TMEM161B: variants seen among roughly 807,000 people sequenced by gnomAD.
The protein encoded by TMEM161B is transmembrane protein 161B.
A neutral mutation model predicts 61.8 loss-of-function variants in TMEM161B; 34 were observed. The ratio of observed to expected loss-of-function variants is 0.55; its 90% CI spans 0.42 to 0.73. TMEM161B has a LOEUF of 0.73. Ranked by LOEUF, TMEM161B falls within the 30% of genes least tolerant of loss-of-function variation. The pLI is 0.00. For missense variants in TMEM161B, 456 were observed against 558.5 expected, an observed-to-expected ratio of 0.82 and a Z score of 1.85; for synonymous variants, 167 against 192.8, an observed-to-expected ratio of 0.87 and a Z score of 1.11.
At chr5:88,191,816 T>C (rs1241639237), downstream of TMEM161B, among the ~76,000 whole-genome samples, 4 of 149,954 alleles carry the variant, frequency 2.7e-5, no homozygotes, top group Non-Finnish European at 5.9e-5. Flanking sequence ...AATTAGCTGG[T>C]CATGGTGGCG....
At chr5:88,207,351 G>A (rs752682019) in intron 5 of TMEM161B, among the ~76,000 whole-genome samples, 171 bp from the exon 6 acceptor site, 1 of 152,144 alleles carries the variant, frequency 6.6e-6, no homozygotes, top group African/African-American at 2.4e-5. Flanking sequence ...GTTGTAGCTA[G>A]GGAATGTATT....
chr5:88,232,160 CAG>C (rs1178772246), intron 2 of TMEM161B, among the ~76,000 whole-genome samples: 18 of 152,024 alleles, frequency 1.2e-4, no homozygotes, highest in Non-Finnish European at 2.5e-4. Flanking sequence ...TGGCCCTAAA[CAG>C]ATCATAAAAA....
At chr5:88,263,027 T>C (rs1387421361) in intron 1 of TMEM161B, among the ~76,000 whole-genome samples, 2 of 152,170 alleles carry the variant, frequency 1.3e-5, no homozygotes, top group Non-Finnish European at 1.5e-5. Flanking sequence ...GTTTGGAAAG[T>C]TGACAGTAAA....
intron 8 of TMEM161B, 32 bp downstream of exon 8, chr5:88,205,782 T>A: frequency 1.2e-6 from 2 of 1,605,202 alleles, no homozygotes; most frequent in East Asian, 2.2e-5. Flanking sequence ...CATATATTTA[T>A]CTGCATGTGC....
At chr5:88,217,081 A>G (rs930874093) in intron 5 of TMEM161B, among the ~76,000 whole-genome samples, 1 of 152,152 alleles carries the variant, frequency 6.6e-6, no homozygotes, top group Non-Finnish European at 1.5e-5. Flanking sequence ...AAAAGTCTGT[A>G]CTGCAGTTAT....
At chr5:88,266,470 CAA>C (rs1228404668) in intron 1 of TMEM161B, among the ~76,000 whole-genome samples, 27 of 152,246 alleles carry the variant, frequency 1.8e-4, no homozygotes, top group African/African-American at 6.3e-4. Flanking sequence ...TAACTATCCT[CAA>C]AAATGTTGAG....
intron 1 of TMEM161B, among the ~76,000 whole-genome samples, chr5:88,267,744 C>A (rs1447219568): frequency 6.6e-6 from 1 of 152,166 alleles, no homozygotes; most frequent in Non-Finnish European, 1.5e-5. Flanking sequence ...TCCATACCCC[C>A]CTACCCCTTG....
intron 7 of TMEM161B, 61 bp downstream of exon 7, chr5:88,206,378 C>T: frequency 1.5e-6 from 2 of 1,363,470 alleles, no homozygotes; most frequent in Non-Finnish European, 1.0e-6. Flanking sequence ...ATAGTAAATA[C>T]TGCTTTATTA....
At chr5:88,199,261 G>A (rs927780833) in intron 9 of TMEM161B, 111 bp from the exon 10 acceptor site, 1 of 1,026,016 alleles carries the variant, frequency 9.7e-7, no homozygotes, top group East Asian at 2.7e-5. Context: ...CTTCGCAACA[G>A]TTAGACACAT....
At chr5:88,203,167 A>AG in intron 8 of TMEM161B, 92 bp from the exon 9 acceptor site, 1 of 738,036 alleles carries the variant, frequency 1.4e-6, no homozygotes, top group East Asian at 2.7e-5. Context: ...TGGAGGTAGG[A>AG]GCTTATTTGC....
intron 4 of TMEM161B, among the ~76,000 whole-genome samples, chr5:88,223,805 C>T (rs963856376): frequency 6.6e-6 from 1 of 151,924 alleles, no homozygotes; most frequent in Non-Finnish European, 1.5e-5. Context: ...AGGAGAATGG[C>T]GTGAACCTGG....
At chr5:88,227,609 CA>C (rs1750273226) in intron 3 of TMEM161B, among the ~76,000 whole-genome samples, 11 of 152,094 alleles carry the variant, frequency 7.2e-5, no homozygotes, top group Admixed American at 5.9e-4. Context: ...TTCAAATTTC[CA>C]ATTTGATGCC....
intron 5 of TMEM161B, among the ~76,000 whole-genome samples, chr5:88,210,667 T>C (rs955432856): frequency 3.3e-5 from 5 of 152,144 alleles, no homozygotes; most frequent in Non-Finnish European, 7.4e-5. Flanking sequence ...TGTGTAGCAG[T>C]TTTGTACACT....
chr5:88,261,913 A>G (rs955327876), intron 1 of TMEM161B, among the ~76,000 whole-genome samples: 2 of 152,162 alleles, frequency 1.3e-5, no homozygotes, highest in Non-Finnish European at 2.9e-5. Flanking sequence ...GATCCATGAA[A>G]GAAAGAGCTG....
intron 2 of TMEM161B, among the ~76,000 whole-genome samples, chr5:88,236,209 A>T (rs1751823426): frequency 6.6e-6 from 1 of 152,212 alleles, no homozygotes; most frequent in South Asian, 2.1e-4. Flanking sequence ...TGACCATAAT[A>T]TATTTTCAGT....
At chr5:88,202,069 C>T (rs983928045) in intron 9 of TMEM161B, 1 of 448,250 alleles carries the variant, frequency 2.2e-6, no homozygotes, top group Non-Finnish European at 4.5e-6. Flanking sequence ...TACATGTGTT[C>T]TTTCATTTAT....
chr5:88,217,431 A>G (rs1001215190), intron 5 of TMEM161B, among the ~76,000 whole-genome samples: 3 of 152,154 alleles, frequency 2.0e-5, no homozygotes, highest in Non-Finnish European at 2.9e-5. Context: ...AGGAACCTCA[A>G]TTGGACAGCT....
downstream of TMEM161B, among the ~76,000 whole-genome samples, chr5:88,189,415 C>CT (rs559084215): frequency 3.2e-4 from 49 of 152,252 alleles, no homozygotes; most frequent in South Asian, 9.9e-3. Context: ...CAGGCTTGGT[C>CT]TTGCCTTCTA....
intron 1 of TMEM161B, among the ~76,000 whole-genome samples, chr5:88,258,424 A>G (rs908882809): frequency 1.3e-5 from 2 of 152,206 alleles, no homozygotes; most frequent in African/African-American, 4.8e-5. Context: ...AGGAAGGAGT[A>G]AGTATGCATT....
Sources: allele counts gnomAD v4.1 joint callset (sites outside exome capture counted in the v4.1 genomes callset), GRCh38; gene constraint gnomAD v4.1.1; transcripts MANE v1.5; gene names NCBI Gene and HGNC (gene_info 2026-07-23, HGNC 2026-07-21).